The following PRKAG2 variants were observed in gnomAD, a reference collection of about 807,000 sequenced individuals.
PRKAG2 encodes the protein protein kinase AMP-activated non-catalytic subunit gamma 2.
PRKAG2 carries 26 observed loss-of-function variants against 69.6 expected under a neutral mutation model. The observed-to-expected ratio is 0.37, with a 90% confidence interval of 0.27 to 0.52. The LOEUF (loss-of-function observed/expected upper bound fraction) is 0.52. PRKAG2 is among the 20% of genes least tolerant of loss of function. PRKAG2 has a pLI of 0.90. For synonymous variants in PRKAG2, 293 were observed against 285.0 expected (o/e 1.03, Z -0.28); for missense variants, 557 against 740.0 (o/e 0.75, Z 2.87).
intron 1 of PRKAG2, among the ~76,000 whole-genome samples, chr7:151,825,356 ATAT>A (rs2078883556): frequency 6.6e-6 from 1 of 152,256 alleles, no homozygotes; most frequent in Non-Finnish European, 1.5e-5. Context: ...AATTCACTTT[ATAT>A]TATTCTCTGA....
intron 1 of PRKAG2, among the ~76,000 whole-genome samples, chr7:151,841,578 TGGTAGTGATGGTA>T (rs1313125416): frequency 1.4e-5 from 2 of 145,558 alleles, no homozygotes; most frequent in South Asian, 2.2e-4. Context: ...TAGGTAGTGA[TGGTAGTGATGGTA>T]GGTAGTGATG....
At chr7:151,857,129 G>GAA (rs34768438) in intron 1 of PRKAG2, among the ~76,000 whole-genome samples, 28,932 of 122,454 alleles carry the variant, frequency 0.24, 4,023 homozygotes, top group South Asian at 0.37. Context: ...ATCATTGCTG[G>GAA]AAAAAAAAAA....
intron 3 of PRKAG2, among the ~76,000 whole-genome samples, chr7:151,705,198 C>G (rs554307078): frequency 1.8e-4 from 27 of 152,302 alleles, no homozygotes; most frequent in African/African-American, 6.5e-4. Context: ...ATAAAATGTT[C>G]AGGTTATCAA....
Position 151,614,193 on chromosome 7 carries a change from C to CG in PRKAG2, c.754+17875_754+17876insC, listed in dbSNP as rs1819547055. 6.6e-6 allele frequency among the ~76,000 whole-genome samples: 1 copy of CG among 152,130 alleles called. No individual in the cohort carries two copies. Among genetic ancestry groups the CG allele is most frequent in the African/African-American group, 2.4e-5 (1 of 41,442 alleles). On this transcript the variant is annotated intron_variant, in intron 5 of 15. Coordinates refer to ENST00000287878, the MANE Select transcript of PRKAG2 (RefSeq NM_016203.4). The surrounding 1 kb of genome is among the most constrained non-coding windows in gnomAD (Gnocchi z 4.4). ...CCTGTCAGGGGAGGTGACGCTGTCT[C>CG]CAGCTGTGTCTTGAAGGCAGGAAAA... is the stretch of plus-strand genomic sequence containing the variant.
chr7:151,782,300 G>C (rs2076719584), intron 2 of PRKAG2, among the ~76,000 whole-genome samples: 1 of 22,624 alleles, frequency 4.4e-5, no homozygotes, highest in Non-Finnish European at 7.9e-5. Flanking sequence ...AGGAAAGAAA[G>C]GAAGGAAGGA....
At chr7:151,688,048 C>CCCCCCA (rs755123330) in intron 3 of PRKAG2, among the ~76,000 whole-genome samples, 1 of 143,896 alleles carries the variant, frequency 6.9e-6, no homozygotes, top group Non-Finnish European at 1.6e-5. Context: ...TGAGGCCCCC[C>CCCCCCA]CCCGGGCTCC....
chr7:151,592,252 G>A (rs1813376699), intron 6 of PRKAG2, among the ~76,000 whole-genome samples: 1 of 152,240 alleles, frequency 6.6e-6, no homozygotes, highest in South Asian at 2.1e-4. Flanking sequence ...GCACAGTGTG[G>A]CTCTTGAGGA....
chr7:151,826,892 G>C (rs1183336532), intron 1 of PRKAG2, among the ~76,000 whole-genome samples: 1 of 152,082 alleles, frequency 6.6e-6, no homozygotes, highest in East Asian at 1.9e-4. Context: ...ATGTGTTTCT[G>C]TATTGCACAC....
chr7:151,770,922 C>T (rs997283174), intron 3 of PRKAG2, among the ~76,000 whole-genome samples: 1 of 152,198 alleles, frequency 6.6e-6, no homozygotes, highest in East Asian at 1.9e-4. Flanking sequence ...GTTCCAGCCA[C>T]GGTTGGGTCT....
rs759705299 is a variant in PRKAG2, at chr7:151,570,159, AAAC to A, written c.1106+9_1106+11del. ...GAATGAATGTTTTCAAAGAAAAAAAAAACAAGTTTACCTTGCATCTGGAGATAT... is the reference window on the plus strand; with the variant it reads ...GAATGAATGTTTTCAAAGAAAAAAAAAAGTTTACCTTGCATCTGGAGATAT... On this transcript the variant is annotated intron_variant, in intron 10 of 15. Transcript: ENST00000287878. The A allele has an allele frequency of 1.9e-6, 3 of 1,597,362 alleles. No individual in the cohort carries two copies. The highest frequency in any genetic ancestry group is 2.6e-6 in the Non-Finnish European group (3 of 1,170,364).
chr7:151,686,840 T>C (rs762867299), intron 3 of PRKAG2, among the ~76,000 whole-genome samples: 1 of 152,252 alleles, frequency 6.6e-6, no homozygotes, highest in Non-Finnish European at 1.5e-5. Flanking sequence ...TTATGATCTT[T>C]TGTCATTGAA....
At chr7:151,766,496 C>T (rs542657804) in intron 3 of PRKAG2, among the ~76,000 whole-genome samples, 8 of 152,296 alleles carry the variant, frequency 5.3e-5, no homozygotes, top group African/African-American at 1.2e-4. Context: ...AAAGGCGAGG[C>T]GCCCAGATCG....
At chr7:151,763,299 G>T (rs1197134164) in intron 3 of PRKAG2, among the ~76,000 whole-genome samples, 1 of 152,254 alleles carries the variant, frequency 6.6e-6, no homozygotes, top group Non-Finnish European at 1.5e-5. Flanking sequence ...TCACCTCTGT[G>T]TCTCTGCCTC....
intron 1 of PRKAG2, chr7:151,810,312 G>A (rs1297863460): frequency 6.6e-6 from 1 of 152,232 alleles, no homozygotes; most frequent in African/African-American, 2.4e-5. Context: ...AGTTGTTTGG[G>A]TTGTGAGAAA....
intron 5 of PRKAG2, among the ~76,000 whole-genome samples, chr7:151,627,148 C>T (rs1823154185): frequency 6.6e-6 from 1 of 152,216 alleles, no homozygotes; most frequent in Admixed American, 6.5e-5. Flanking sequence ...GCAATAACAA[C>T]AAAACAAAGC....
intron 5 of PRKAG2, among the ~76,000 whole-genome samples, chr7:151,624,178 A>AT (rs1276035137): frequency 1.3e-4 from 18 of 141,746 alleles, no homozygotes; most frequent in Admixed American, 3.5e-4. Context: ...ACATATATAT[A>AT]TATTTTTTTT....
chr7:151,734,523 T>C (rs572779371), intron 3 of PRKAG2, among the ~76,000 whole-genome samples: 4 of 152,282 alleles, frequency 2.6e-5, no homozygotes, highest in Non-Finnish European at 4.4e-5. Context: ...ACCTATGCCA[T>C]GCAAGCAGTA....
At chr7:151,873,468 A>G (rs1326265664) in intron 1 of PRKAG2, among the ~76,000 whole-genome samples, 1 of 152,184 alleles carries the variant, frequency 6.6e-6, no homozygotes, top group African/African-American at 2.4e-5. Context: ...AGCCTGGCAC[A>G]ATGATCCATA....
chr7:151,678,316 C>T (rs1337558544), intron 3 of PRKAG2, among the ~76,000 whole-genome samples: 1 of 152,152 alleles, frequency 6.6e-6, no homozygotes, highest in African/African-American at 2.4e-5. Flanking sequence ...CCCAGGGCAC[C>T]CAGTGCTGTC....
Sources: allele counts gnomAD v4.1 joint callset (sites outside exome capture counted in the v4.1 genomes callset), GRCh38; gene constraint gnomAD v4.1.1; non-coding constraint Gnocchi (gnomAD v3.1); transcripts MANE v1.5; gene names NCBI Gene and HGNC (gene_info 2026-07-23, HGNC 2026-07-21).